The following ANXA13 variants were observed in gnomAD, a reference collection of about 807,000 sequenced individuals.
ANXA13 encodes annexin XIII.
Under a neutral mutation model 46.6 loss-of-function variants are expected in ANXA13, and 36 were observed. The ratio of observed to expected loss-of-function variants is 0.77; its 90% CI spans 0.59 to 1.02. The LOEUF is 1.02. Ranked by LOEUF, ANXA13 falls within the 50% of genes least tolerant of loss-of-function variation. The probability of loss-of-function intolerance (pLI) is 0.00; values close to 1 mark genes in which losing one functional copy is unlikely to be tolerated. For synonymous variants in ANXA13, 163 were observed against 152.9 expected (o/e 1.07, Z -0.49); for missense variants, 417 against 396.5 (o/e 1.05, Z -0.44).
rs533307920 is a variant in ANXA13 at position 123,724,222 on chromosome 8, G to A, written c.16-11469C>T. Among the ~76,000 whole-genome samples, 9 of 152,256 alleles carry A rather than the reference G, an allele frequency of 5.9e-5. No homozygotes were observed. The East Asian group carries it at 1.7e-3, about 29-fold the overall frequency. On this transcript the variant is annotated intron_variant, in intron 1 of 10. Transcript: ENST00000419625. ...TGAAAGTGAAGTCCTAAGACCTTCG[G>A]GTGTGAAACAGTTTGAGCTAAATAG...
intron 1 of ANXA13, 50 bp downstream of exon 1, chr8:123,737,270 C>T (rs200547444): frequency 1.9e-6 from 3 of 1,568,982 alleles, no homozygotes; most frequent in African/African-American, 1.4e-5. Context: ...TAAATTCTTC[C>T]ACATGCTAAC....
chr8:123,735,803 C>T, intron 1 of ANXA13: 1 of 1,612,838 alleles, frequency 6.2e-7, no homozygotes, highest in Non-Finnish European at 8.5e-7. Flanking sequence ...GGCTGAGAGG[C>T]TGCACGACTG....
chr8:123,715,598 G>A (rs776362548), intron 1 of ANXA13, among the ~76,000 whole-genome samples: 1 of 152,252 alleles, frequency 6.6e-6, no homozygotes, highest in African/African-American at 2.4e-5. Flanking sequence ...GGCTGTGTGG[G>A]TTATGCCCTG....
intron 3 of ANXA13, among the ~76,000 whole-genome samples, chr8:123,702,325 T>G (rs887324444): frequency 7.2e-5 from 11 of 152,206 alleles, no homozygotes; most frequent in African/African-American, 1.2e-4. Context: ...TTGTGGAAAC[T>G]GATTTTCAAA....
chr8:123,704,460 GTGGCA>G (rs143839215), intron 2 of ANXA13, among the ~76,000 whole-genome samples: 2,735 of 152,000 alleles, frequency 0.018, 82 homozygotes, highest in African/African-American at 0.062. Flanking sequence ...CTAGAGCGCA[GTGGCA>G]TGATCACTGC....
intron 4 of ANXA13, among the ~76,000 whole-genome samples, chr8:123,697,225 T>C (rs1345778501): frequency 3.9e-5 from 6 of 152,178 alleles, no homozygotes; most frequent in African/African-American, 1.4e-4. Context: ...AAAAATATGA[T>C]TAAAATTAAC....
chr8:123,705,878 CCTT>C (rs1299084146), intron 2 of ANXA13, among the ~76,000 whole-genome samples: 1 of 152,216 alleles, frequency 6.6e-6, no homozygotes, highest in Non-Finnish European at 1.5e-5. Flanking sequence ...GTTTAACCCT[CCTT>C]CTGCTCCAGC....
intron 1 of ANXA13, among the ~76,000 whole-genome samples, chr8:123,714,261 G>A (rs1024350488): frequency 6.6e-6 from 1 of 152,140 alleles, no homozygotes; most frequent in Non-Finnish European, 1.5e-5. Flanking sequence ...ATGTAGGCAC[G>A]TGTCCTGTGA....
chr8:123,692,450 G>T (rs900723554), intron 8 of ANXA13, among the ~76,000 whole-genome samples: 2 of 152,300 alleles, frequency 1.3e-5, no homozygotes, highest in South Asian at 4.1e-4. Context: ...CACTCCAGGC[G>T]TTTTGCAAGT....
At chr8:123,700,067 G>A (rs1011903230) in intron 3 of ANXA13, among the ~76,000 whole-genome samples, 3 of 152,154 alleles carry the variant, frequency 2.0e-5, no homozygotes, top group African/African-American at 4.8e-5. Flanking sequence ...AGAAAAACCC[G>A]GAATATTTTT....
intron 1 of ANXA13, among the ~76,000 whole-genome samples, chr8:123,716,641 T>G (rs1813763760): frequency 6.6e-6 from 1 of 152,242 alleles, no homozygotes; most frequent in Admixed American, 6.5e-5. Context: ...GGGGGCTGCC[T>G]CCACAATGGC....
intron 1 of ANXA13, among the ~76,000 whole-genome samples, chr8:123,719,220 G>C (rs574167251): frequency 1.3e-5 from 2 of 152,302 alleles, no homozygotes; most frequent in South Asian, 2.1e-4. Context: ...TAGCTTCAAG[G>C]CTGGACAATA....
chr8:123,700,256 G>A (rs1462955394), intron 3 of ANXA13, among the ~76,000 whole-genome samples: 4 of 146,910 alleles, frequency 2.7e-5, no homozygotes, highest in Admixed American at 1.4e-4. Context: ...CATTATATAA[G>A]CTGCAGAGAA....
intron 1 of ANXA13, among the ~76,000 whole-genome samples, chr8:123,720,916 A>G (rs952408458): frequency 1.3e-5 from 2 of 152,046 alleles, no homozygotes; most frequent in Non-Finnish European, 2.9e-5. Flanking sequence ...AATTGACCTT[A>G]ACAATTTTTT....
At chr8:123,722,138 C>G (rs1335772312) in intron 1 of ANXA13, among the ~76,000 whole-genome samples, 6 of 151,868 alleles carry the variant, frequency 4.0e-5, no homozygotes, top group Non-Finnish European at 5.9e-5. Flanking sequence ...GACCCTGTCT[C>G]TACAAAAAAT....
intron 1 of ANXA13, among the ~76,000 whole-genome samples, chr8:123,731,512 T>C (rs769578373): frequency 2.0e-5 from 3 of 152,206 alleles, no homozygotes; most frequent in Non-Finnish European, 4.4e-5. Context: ...TGGGGATATA[T>C]AGGTGAACAA....
At chr8:123,689,062 A>G (rs1231630877) in intron 8 of ANXA13, 116 bp from the exon 9 acceptor site, 6 of 905,848 alleles carry the variant, frequency 6.6e-6, no homozygotes, top group Non-Finnish European at 1.1e-5. Context: ...CTGTGGCTTC[A>G]GGGAACTGCT....
chr8:123,726,656 C>A (rs1177174307), intron 1 of ANXA13, among the ~76,000 whole-genome samples: 1 of 152,232 alleles, frequency 6.6e-6, no homozygotes, highest in African/African-American at 2.4e-5. Flanking sequence ...AAACCCTTCT[C>A]ACTCTGGTAT....
chr8:123,683,838 C>T lies in ANXA13; in HGVS notation c.831+772G>A, dbSNP rs1388769896. On this transcript the variant is annotated intron_variant, in intron 10 of 10. Coordinates refer to ENST00000419625, the MANE Select transcript of ANXA13 (RefSeq NM_004306.4). ...CTGACCTCAGGCGATCCACCCACCT[C>T]GGCCTCCCAAAGTGCTGGGATTACA... Among the ~76,000 whole-genome samples the T allele has an allele frequency of 1.4e-4, 21 of 152,230 alleles. 1 individual carries two copies. The highest frequency in any genetic ancestry group is 1.2e-3 in the East Asian group (6 of 5,170).
Sources: allele counts gnomAD v4.1 joint callset (sites outside exome capture counted in the v4.1 genomes callset), GRCh38; gene constraint gnomAD v4.1.1; transcripts MANE v1.5; gene names NCBI Gene and HGNC (gene_info 2026-07-23, HGNC 2026-07-21).